Variants in CPEB2 observed in about 807,000 individuals in gnomAD.
CPEB2 encodes cytoplasmic polyadenylation element-binding protein 2.
CPEB2 carries 56 observed loss-of-function variants against 93.6 expected under a neutral mutation model. That is an observed-to-expected ratio of 0.60 (90% confidence interval 0.48 to 0.75). The LOEUF (loss-of-function observed/expected upper bound fraction) is 0.75. Among genes scored for constraint, CPEB2 ranks in the 30% least tolerant of loss-of-function variants. The pLI, the probability that CPEB2 is intolerant of heterozygous loss-of-function variation, is 0.00. For synonymous variants in CPEB2, 764 were observed against 586.3 expected, an observed-to-expected ratio of 1.30 and a Z score of -4.38; for missense variants, 1,579 against 1,395.1, an observed-to-expected ratio of 1.13 and a Z score of -2.10.
chr4:15,015,947 T>C (rs1253715450), intron 3 of CPEB2, among the ~76,000 whole-genome samples: 1 of 151,980 alleles, frequency 6.6e-6, no homozygotes, highest in African/African-American at 2.4e-5. Context: ...GAATATCTTA[T>C]TGTATTGTCC....
At chr4:15,052,615 A>G in intron 7 of CPEB2, 31 bp downstream of exon 7, 1 of 1,369,164 alleles carries the variant, frequency 7.3e-7, no homozygotes, top group Non-Finnish European at 9.7e-7. Flanking sequence ...TAACATGGTG[A>G]TTTGGGCTTT....
chr4:15,028,892 A>T (rs940335172), intron 4 of CPEB2, among the ~76,000 whole-genome samples: 2 of 152,176 alleles, frequency 1.3e-5, no homozygotes. Flanking sequence ...GATAAGTTTT[A>T]TACAGTTGTC....
chr4:15,056,148 AACTGCCT>A (rs1246111183), intron 8 of CPEB2, among the ~76,000 whole-genome samples: 3 of 152,196 alleles, frequency 2.0e-5, no homozygotes, highest in Non-Finnish European at 4.4e-5. Flanking sequence ...ACGGATTGTT[AACTGCCT>A]AATAAATGAG....
chr4:15,065,489 T>G (rs1170589218), intron 11 of CPEB2, among the ~76,000 whole-genome samples: 3 of 152,150 alleles, frequency 2.0e-5, no homozygotes, highest in African/African-American at 7.2e-5. Flanking sequence ...CACTGTCTTA[T>G]GCTTTTACAT....
intron 4 of CPEB2, among the ~76,000 whole-genome samples, chr4:15,025,912 G>A (rs189087622): frequency 1.3e-5 from 2 of 152,148 alleles, no homozygotes; most frequent in Admixed American, 6.5e-5. Flanking sequence ...GTTGTTTTAT[G>A]ATCCTGTTCT....
At chr4:15,040,542 A>G in intron 6 of CPEB2, 55 bp downstream of exon 6, 1 of 1,423,122 alleles carries the variant, frequency 7.0e-7, no homozygotes, top group Non-Finnish European at 9.5e-7. Flanking sequence ...TTTACTGATC[A>G]ATGTTGTAAT....
At chr4:15,010,721 T>A (rs1036820054) in intron 3 of CPEB2, 1 of 152,240 alleles carries the variant, frequency 6.6e-6, no homozygotes, top group Non-Finnish European at 1.5e-5. Flanking sequence ...GTAATTCTAG[T>A]ATATTTTTGT....
At chr4:15,035,267 T>TAGCAAC (rs1413587987) in intron 5 of CPEB2, among the ~76,000 whole-genome samples, 6 of 152,126 alleles carry the variant, frequency 3.9e-5, no homozygotes, top group African/African-American at 1.4e-4. Context: ...TAACATAGAT[T>TAGCAAC]CTGGAGCCAG....
At chr4:15,023,843 A>G (rs114943385) in intron 4 of CPEB2, among the ~76,000 whole-genome samples, 3 of 152,034 alleles carry the variant, frequency 2.0e-5, no homozygotes, top group Non-Finnish European at 2.9e-5. Flanking sequence ...TTGATATTCT[A>G]ATATGACTTA....
chr4:15,028,739 GA>G (rs1024789968), intron 4 of CPEB2, among the ~76,000 whole-genome samples: 5 of 151,338 alleles, frequency 3.3e-5, no homozygotes, highest in African/African-American at 9.7e-5. Flanking sequence ...ATTTCAAGCA[GA>G]AAAAAAAGGA....
chr4:15,025,688 C>T (rs1012426806), intron 4 of CPEB2, among the ~76,000 whole-genome samples: 1 of 151,916 alleles, frequency 6.6e-6, no homozygotes, highest in Admixed American at 6.6e-5. Context: ...CTTAAACCTT[C>T]TGTTTTTAGT....
intron 5 of CPEB2, among the ~76,000 whole-genome samples, chr4:15,038,858 G>T (rs968691632): frequency 1.3e-5 from 2 of 151,990 alleles, no homozygotes; most frequent in African/African-American, 4.8e-5. Flanking sequence ...CAAAGTGCTG[G>T]GATTACAGGC....
rs1184242275 is a variant in CPEB2 at position 15,002,860 on chromosome 4, TC to T, written c.192del (p.Phe65SerfsTer37). ...LPVTGFLEAA[S>X]PFSVPLGGGA... ...TGTCACCGGCTTCTTAGAGGCCGCC[TC>T]CCCCTTCTCCGTCCCCCTCGGCGGC... On this transcript the variant is annotated frameshift_variant, in exon 1 of 12. Transcript: ENST00000538197. LOFTEE classifies it high-confidence loss of function. 4 of 1,531,502 alleles carry T rather than the reference TC, an allele frequency of 2.6e-6. No homozygotes were observed. The highest frequency in any genetic ancestry group is 3.5e-6 in the Non-Finnish European group (4 of 1,145,386). 94.9% of individuals were successfully genotyped at this position (1,531,502 alleles called of 1,614,324 possible). A position where few individuals can be genotyped will look rare whatever the true frequency, so the allele number is the denominator to read the frequency against.
intron 4 of CPEB2, chr4:15,018,028 C>A (rs541040908): frequency 6.6e-6 from 1 of 151,782 alleles, no homozygotes; most frequent in Non-Finnish European, 1.5e-5. Context: ...TAAATTATCT[C>A]AAAACTTAGC....
chr4:15,023,878 C>T (rs1451698640), intron 4 of CPEB2, among the ~76,000 whole-genome samples: 2 of 151,956 alleles, frequency 1.3e-5, no homozygotes, highest in African/African-American at 4.8e-5. Context: ...TTCCCCTACT[C>T]TGTCCTCCAA....
intron 6 of CPEB2, among the ~76,000 whole-genome samples, 171 bp from the exon 7 acceptor site, chr4:15,052,243 T>C (rs983307495): frequency 6.6e-6 from 1 of 152,174 alleles, no homozygotes; most frequent in Non-Finnish European, 1.5e-5. Flanking sequence ...GATTGCTTCT[T>C]TCTTGAATCC....
Position 15,002,922 on chromosome 4 carries a change from C to T in CPEB2, c.249C>T (p.Ser83=), listed in dbSNP as rs1166953110. ...AGSPAAAASS[S]SPFLAHQQTM... ...GCCCGGCCGCCGCCGCTTCCTCTTCCTCCCCGTTCCTGGCGCATCAGCAGA... is the reference window on the plus strand; with the variant it reads ...GCCCGGCCGCCGCCGCTTCCTCTTCTTCCCCGTTCCTGGCGCATCAGCAGA... The change falls in exon 1 of 12, where the codon TCC becomes TCT. Residue 83 remains serine (S), a synonymous_variant. Coordinates refer to ENST00000538197, the MANE Select transcript of CPEB2 (RefSeq NM_001177382.2). The T allele has an allele frequency of 3.3e-6, 5 of 1,516,514 alleles. No individual in the cohort carries two copies. The highest frequency in any genetic ancestry group is 2.3e-5 in the Admixed American group (1 of 44,104). 93.9% of individuals were successfully genotyped at this position (1,516,514 alleles called of 1,614,324 possible).
rs951422921 is a variant in CPEB2 at position 15,033,041 on chromosome 4, A to G, written c.2126-120A>G. 3 of 639,888 alleles carry G rather than the reference A, an allele frequency of 4.7e-6. No individual in the cohort carries two copies. In the African/African-American group the frequency reaches 5.6e-5, roughly 12 times the overall value. The allele number at this position is 639,888 out of a possible 1,614,324, so 39.6% of individuals were successfully genotyped here. A position where few individuals can be genotyped will look rare whatever the true frequency, so the allele number is the denominator to read the frequency against. On this transcript the variant is annotated intron_variant, in intron 4 of 11. Coordinates refer to ENST00000538197, the MANE Select transcript of CPEB2 (RefSeq NM_001177382.2). ...AACATAAGCTTTTTAGTTCTTAAGA[A>G]ATATACTGTGCTCAATAATTTTCTC...
intron 8 of CPEB2, among the ~76,000 whole-genome samples, 192 bp from the exon 9 acceptor site, chr4:15,058,229 T>C (rs1277643249): frequency 1.3e-5 from 2 of 152,222 alleles, no homozygotes; most frequent in Non-Finnish European, 2.9e-5. Context: ...AGTAGCCAAT[T>C]GCTTTACTGA....
Sources: allele counts gnomAD v4.1 joint callset (sites outside exome capture counted in the v4.1 genomes callset), GRCh38; gene constraint gnomAD v4.1.1; transcripts MANE v1.5; gene names NCBI Gene and HGNC (gene_info 2026-07-23, HGNC 2026-07-21).